Variants in SYT9 observed in about 807,000 individuals in gnomAD.
SYT9 encodes the protein synaptotagmin-9.
In SYT9, 22 loss-of-function variants were observed where a neutral mutation model predicts 48.4. The ratio of observed to expected loss-of-function variants is 0.45; its 90% CI spans 0.32 to 0.65. SYT9 has a LOEUF of 0.65. Among genes scored for constraint, SYT9 ranks in the 30% least tolerant of loss-of-function variants. The pLI, the probability that SYT9 is intolerant of heterozygous loss-of-function variation, is 0.03. For synonymous variants in SYT9, 265 were observed against 245.0 expected, an observed-to-expected ratio of 1.08 and a Z score of -0.76; for missense variants, 577 against 622.0, an observed-to-expected ratio of 0.93 and a Z score of 0.77.
chr11:7,356,915 G>A (rs1027915650), intron 3 of SYT9, among the ~76,000 whole-genome samples: 5 of 152,148 alleles, frequency 3.3e-5, no homozygotes, highest in African/African-American at 1.2e-4. Flanking sequence ...CTAGGAGAAT[G>A]GTGGACCGTA....
At chr11:7,301,800 G>C (rs764396570) in intron 1 of SYT9, among the ~76,000 whole-genome samples, 4 of 152,156 alleles carry the variant, frequency 2.6e-5, no homozygotes, top group African/African-American at 4.8e-5. Context: ...TGACAGGCAG[G>C]GTTGTCCTTT....
At chr11:7,419,235 C>T (rs1418516412) in intron 5 of SYT9, among the ~76,000 whole-genome samples, 1 of 152,214 alleles carries the variant, frequency 6.6e-6, no homozygotes, top group Non-Finnish European at 1.5e-5. Context: ...AAGTTTCCTG[C>T]ATGGACAAAT....
chr11:7,250,230 A>C (rs1589884891), upstream of SYT9, among the ~76,000 whole-genome samples: 2 of 152,302 alleles, frequency 1.3e-5, no homozygotes, highest in South Asian at 2.1e-4. Flanking sequence ...CAATCTTGTC[A>C]CTTAATACTT....
rs142000557 is a variant in SYT9, at chr11:7,452,118, A to AACACACACACACAC, written c.1468-14657_1468-14644dup. 9.8e-3 allele frequency among the ~76,000 whole-genome samples: 1,440 copies of AACACACACACACAC among 147,612 alleles called. 24 individuals carry two copies. Among genetic ancestry groups the AACACACACACACAC allele is most frequent in the African/African-American group, 0.033 (1,328 of 39,686 alleles). On this transcript the variant is annotated intron_variant, in intron 6 of 6. Coordinates refer to ENST00000318881, the MANE Select transcript of SYT9 (RefSeq NM_175733.4). ...AGCATTAATAGAGGTTTATATTTAA[A>AACACACACACACAC]ACACACACACACACACACACACACA...
chr11:7,297,059 GGTGTGTGTGT>G lies in SYT9; in HGVS notation c.146-5962_146-5953del, dbSNP rs151226620. 4.1e-5 allele frequency among the ~76,000 whole-genome samples: 6 copies of G among 148,006 alleles called. No individual in the cohort carries two copies. In the East Asian group the frequency reaches 7.9e-4, roughly 19 times the overall value. On this transcript the variant is annotated intron_variant, in intron 1 of 6. Transcript: ENST00000318881. The stretch of plus-strand genomic sequence containing the variant: ...GAAAATGTCTTGTATTCTGAACCAC[GGTGTGTGTGT>G]GTGTGTGTGTGTGTGTGAGAGAGAG...
intron 3 of SYT9, among the ~76,000 whole-genome samples, chr11:7,395,340 T>C (rs1487739929): frequency 6.6e-6 from 1 of 152,136 alleles, no homozygotes; most frequent in Non-Finnish European, 1.5e-5. Context: ...AGGGGAGTAT[T>C]CTTAAAATGT....
At chr11:7,267,487 A>C (rs1848206447) in intron 1 of SYT9, among the ~76,000 whole-genome samples, 1 of 151,956 alleles carries the variant, frequency 6.6e-6, no homozygotes, top group African/African-American at 2.4e-5. Context: ...AAACACTTAA[A>C]AATTGAACTC....
At chr11:7,420,343 T>C (rs1476769263) in intron 5 of SYT9, among the ~76,000 whole-genome samples, 163 bp from the exon 6 acceptor site, 1 of 152,196 alleles carries the variant, frequency 6.6e-6, no homozygotes, top group African/African-American at 2.4e-5. Flanking sequence ...CAAGTCCTAT[T>C]GGCCGTGAAG....
chr11:7,349,382 A>AACAC lies in SYT9; in HGVS notation c.1044+35464_1044+35467dup, dbSNP rs71056799. Among the ~76,000 whole-genome samples, 1,453 of 148,254 alleles carry AACAC rather than the reference A, an allele frequency of 9.8e-3. 18 individuals carry two copies. Among genetic ancestry groups the AACAC allele is most frequent in the African/African-American group, 0.031 (1,233 of 40,138 alleles). ...ATTTTACCACAATAAAAAATATACA[A>AACAC]ACACACACACACACACACACACACA... On this transcript the variant is annotated intron_variant, in intron 3 of 6. Coordinates refer to ENST00000318881, the MANE Select transcript of SYT9 (RefSeq NM_175733.4).
At chr11:7,406,438 A>G (rs1056794410) in intron 3 of SYT9, among the ~76,000 whole-genome samples, 1 of 150,910 alleles carries the variant, frequency 6.6e-6, no homozygotes, top group African/African-American at 2.4e-5. Context: ...TCTGTGCCTG[A>G]CTTATTTCAC....
At chr11:7,305,003 T>C (rs1849007007) in intron 2 of SYT9, among the ~76,000 whole-genome samples, 1 of 152,202 alleles carries the variant, frequency 6.6e-6, no homozygotes, top group Admixed American at 6.5e-5. Flanking sequence ...CTGGGGACTC[T>C]GCCATAATTC....
chr11:7,339,501 T>G (rs192720449), intron 3 of SYT9, among the ~76,000 whole-genome samples: 89 of 152,304 alleles, frequency 5.8e-4, no homozygotes, highest in African/African-American at 2.0e-3. Flanking sequence ...AGCCTTTCCT[T>G]TCTATATTTA....
chr11:7,434,766 T>A (rs1384053196), intron 6 of SYT9, among the ~76,000 whole-genome samples: 1 of 152,230 alleles, frequency 6.6e-6, no homozygotes, highest in African/African-American at 2.4e-5. Context: ...ATTTGCACTT[T>A]ATCCTAGCCT....
At chr11:7,287,985 T>C (rs1848628070) in intron 1 of SYT9, among the ~76,000 whole-genome samples, 1 of 152,208 alleles carries the variant, frequency 6.6e-6, no homozygotes, top group Non-Finnish European at 1.5e-5. Flanking sequence ...TTCCAAGTGA[T>C]AAATAGCAAG....
At chr11:7,339,503 C>T (rs1416804210) in intron 3 of SYT9, among the ~76,000 whole-genome samples, 2 of 152,146 alleles carry the variant, frequency 1.3e-5, no homozygotes, top group African/African-American at 4.8e-5. Flanking sequence ...CCTTTCCTTT[C>T]TATATTTAGT....
chr11:7,287,182 G>T (rs899803497), intron 1 of SYT9, among the ~76,000 whole-genome samples: 1 of 152,190 alleles, frequency 6.6e-6, no homozygotes, highest in Non-Finnish European at 1.5e-5. Flanking sequence ...GGCAGAAGGG[G>T]AAGCAACCAC....
chr11:7,328,214 A>AT (rs989485932), intron 3 of SYT9, among the ~76,000 whole-genome samples: 60 of 151,808 alleles, frequency 4.0e-4, no homozygotes, highest in African/African-American at 1.4e-3. Flanking sequence ...GTATAGCTGG[A>AT]TTTTTTTTAA....
chr11:7,349,679 C>A (rs1298732469), intron 3 of SYT9, among the ~76,000 whole-genome samples: 1 of 152,166 alleles, frequency 6.6e-6, no homozygotes, highest in African/African-American at 2.4e-5. Flanking sequence ...GACCCCAGTT[C>A]TAGTGTGTTT....
chr11:7,320,529 G>A (rs986118088), intron 3 of SYT9, among the ~76,000 whole-genome samples: 5 of 152,150 alleles, frequency 3.3e-5, no homozygotes, highest in African/African-American at 4.8e-5. Context: ...CCTCTAGAAT[G>A]GTGTCTGAAA....
Sources: gnomAD v4.1 joint callset for allele counts (sites outside exome capture counted in the v4.1 genomes callset) on GRCh38, gnomAD v4.1.1 for gene constraint, MANE v1.5 for transcripts, NCBI Gene and HGNC (gene_info 2026-07-23, HGNC 2026-07-21) for gene names.